XRN2: variants seen among roughly 807,000 people sequenced by gnomAD.
The protein encoded by XRN2 is 5'-3' exoribonuclease 2.
XRN2 carries 44 observed loss-of-function variants against 138.5 expected under a neutral mutation model. That is an observed-to-expected ratio of 0.32 (90% CI 0.25 to 0.41). XRN2 has a LOEUF of 0.41. Ranked by LOEUF, XRN2 falls within the 10% of genes least tolerant of loss-of-function variation. The pLI is 1.00. For missense variants in XRN2, 937 were observed against 1,169.3 expected, an observed-to-expected ratio of 0.80 and a Z score of 2.90; for synonymous variants, 354 against 369.4, an observed-to-expected ratio of 0.96 and a Z score of 0.48.
intron 24 of XRN2, among the ~76,000 whole-genome samples, chr20:21,360,171 G>A (rs1255533266): frequency 6.6e-6 from 1 of 152,062 alleles, no homozygotes; most frequent in Non-Finnish European, 1.5e-5. Flanking sequence ...CTGTCATCTG[G>A]AGGGTAAGTG....
chr20:21,305,025 T>G (rs1246942715), intron 1 of XRN2, among the ~76,000 whole-genome samples: 1 of 152,214 alleles, frequency 6.6e-6, no homozygotes, highest in African/African-American at 2.4e-5. Context: ...GGGGCTGTCT[T>G]TCTTTTTCCA....
chr20:21,349,534 A>C (rs1169767023), intron 20 of XRN2, 73 bp downstream of exon 20: 1 of 1,238,076 alleles, frequency 8.1e-7, no homozygotes, highest in Non-Finnish European at 1.2e-6. Flanking sequence ...ATTCTGTAAA[A>C]GATAAATATT....
chr20:21,332,550 G>A (rs1339769049), intron 9 of XRN2, 110 bp downstream of exon 9: 4 of 1,096,440 alleles, frequency 3.6e-6, no homozygotes, highest in Non-Finnish European at 4.9e-6. Flanking sequence ...CAATTAAATA[G>A]CATTAAATAT....
Position 21,328,683 on chromosome 20 carries a change from C to A in XRN2, c.427+13C>A. On this transcript the variant is annotated intron_variant, in intron 4 of 29. Transcript: ENST00000377191. ...ATATTGGCAAAAGGTAAAGAATATG[C>A]ATCTTGAAGTTGGATTTTTTCATAA... 2 of 1,609,002 alleles carry A rather than the reference C, an allele frequency of 1.2e-6. No individual in the cohort carries two copies. The highest frequency in any genetic ancestry group is 1.7e-6 in the Non-Finnish European group (2 of 1,177,182).
intron 1 of XRN2, among the ~76,000 whole-genome samples, chr20:21,318,559 A>C (rs1305550152): frequency 6.6e-6 from 1 of 152,080 alleles, no homozygotes; most frequent in Non-Finnish European, 1.5e-5. Context: ...ATACTTCTGA[A>C]GAGATATTTC....
At chr20:21,336,447 G>C (rs1394007959) in intron 13 of XRN2, among the ~76,000 whole-genome samples, 4 of 152,174 alleles carry the variant, frequency 2.6e-5, no homozygotes, top group Non-Finnish European at 4.4e-5. Flanking sequence ...GGGCGACAGA[G>C]CAAGTCTCTT....
intron 27 of XRN2, among the ~76,000 whole-genome samples, chr20:21,379,107 GT>G (rs1441336486): frequency 1.3e-5 from 2 of 152,152 alleles, no homozygotes; most frequent in African/African-American, 4.8e-5. Context: ...CGCTGATTAG[GT>G]AAATTGTCAC....
rs1400878191 is a variant in XRN2 at position 21,326,299 on chromosome 20, A to G, written c.96A>G (p.Val32=). 1.2e-6 allele frequency: 2 copies of G among 1,613,680 alleles called. No individual in the cohort carries two copies. The highest frequency in any genetic ancestry group is 1.7e-6 in the Non-Finnish European group (2 of 1,179,852). The change falls in exon 2 of 30, where the codon GTA becomes GTG. Residue 32 remains valine, a synonymous_variant. Transcript: ENST00000377191. ...CATAGCCAAAAGAATGCAATGGTGT[A>G]AAGATTCCAGTTGATGCCAGTAAAC... ...VEEKPKECNG[V]KIPVDASKPN...
rs2038967187 is a variant in XRN2 at position 21,389,484 on chromosome 20, TCTCA to T, written c.*149_*152del. ...ACTGTGTATATTTCTACTGATCTGA[TCTCA>T]CTGTTTATGTTGCTTTCCAAAGATG... On this transcript the variant is annotated 3_prime_UTR_variant, in exon 30 of 30. Transcript: ENST00000377191. 8.9e-6 allele frequency: 6 copies of T among 677,518 alleles called. No homozygotes were observed. Among genetic ancestry groups the T allele is most frequent in the East Asian group, 8.7e-5 (3 of 34,310 alleles). 42.0% of individuals were successfully genotyped at this position (677,518 alleles called of 1,614,324 possible).
chr20:21,312,296 A>T (rs1028848548), intron 1 of XRN2, among the ~76,000 whole-genome samples: 6 of 149,958 alleles, frequency 4.0e-5, no homozygotes, highest in African/African-American at 9.8e-5. Context: ...GTATTTATTT[A>T]TTTTTTTTTA....
intron 27 of XRN2, among the ~76,000 whole-genome samples, chr20:21,378,049 A>G (rs531451953): frequency 1.4e-4 from 22 of 152,278 alleles, no homozygotes; most frequent in African/African-American, 5.3e-4. Context: ...CCTTCTCTTT[A>G]CATTTTAAGT....
rs2038682135 is a variant in XRN2, at chr20:21,365,445, T to A, written c.2280T>A (p.Phe760Leu). Residue 760 changes from phenylalanine (F) to leucine (L), a missense_variant, in exon 25 of 30, where the codon TTT (phenylalanine) becomes TTA (leucine). By Grantham distance (22) the Phe-to-Leu change is conservative. Coordinates refer to ENST00000377191, the MANE Select transcript of XRN2 (RefSeq NM_012255.5). ...VVSINFKDPQ[F>L]AEDYIFKAVM... ...GTATTAATTTTAAAGACCCACAGTT[T>A]GCTGAAGATTACATTTTTAAAGCTG... The A allele has an allele frequency of 1.2e-6, 2 of 1,613,586 alleles. No individual in the cohort carries two copies. The highest frequency in any genetic ancestry group is 1.7e-6 in the Non-Finnish European group (2 of 1,179,954).
intron 28 of XRN2, among the ~76,000 whole-genome samples, chr20:21,382,301 G>A (rs908800837): frequency 5.9e-5 from 9 of 152,074 alleles, no homozygotes; most frequent in African/African-American, 1.4e-4. Context: ...CTTTTGAGAT[G>A]CCCTGAAAAA....
chr20:21,383,782 T>C (rs2122366560), intron 28 of XRN2, among the ~76,000 whole-genome samples: 1 of 152,358 alleles, frequency 6.6e-6, no homozygotes, highest in East Asian at 1.9e-4. Context: ...CAAGTACTAG[T>C]ATTATTCTGA....
chr20:21,333,381 A>G (rs2038241716), intron 9 of XRN2, among the ~76,000 whole-genome samples, 163 bp from the exon 10 acceptor site: 2 of 152,178 alleles, frequency 1.3e-5, no homozygotes. Flanking sequence ...GGTTGATTTT[A>G]TGGGTAATTT....
At chr20:21,329,856 GGTGTGTGTGTGTGTGT>G (rs60020864) in intron 4 of XRN2, among the ~76,000 whole-genome samples, 36 of 146,008 alleles carry the variant, frequency 2.5e-4, no homozygotes, top group East Asian at 1.2e-3. Flanking sequence ...GCCTCTAACT[GGTGTGTGTGTGTGTGT>G]GTGTGTGTGT....
Position 21,349,401 on chromosome 20 carries a change from A to G in XRN2, c.1876A>G (p.Ile626Val). 3.1e-6 allele frequency: 5 copies of G among 1,599,768 alleles called. No homozygotes were observed. The highest frequency in any genetic ancestry group is 3.4e-6 in the Non-Finnish European group (4 of 1,167,674). ...KLMSDPDSSI[I>V]DFYPEDFAID... ...CTCCCTAATATAGGATTCTAGTATA[A>G]TTGACTTCTATCCTGAAGATTTTGC... The change falls in exon 20 of 30, where the codon ATT becomes GTT. Residue 626 changes from isoleucine to valine, a missense_variant. Coordinates refer to ENST00000377191, the MANE Select transcript of XRN2 (RefSeq NM_012255.5).
intron 1 of XRN2, among the ~76,000 whole-genome samples, chr20:21,322,604 G>A (rs1251850954): frequency 1.3e-5 from 2 of 152,170 alleles, no homozygotes; most frequent in African/African-American, 4.8e-5. Flanking sequence ...GCTATTGGTG[G>A]TGGTTTCTCC....
rs147341722 is a variant in XRN2 at position 21,321,254 on chromosome 20, C to T, written c.76-5025C>T. On this transcript the variant is annotated intron_variant, in intron 1 of 29. Coordinates refer to ENST00000377191, the MANE Select transcript of XRN2 (RefSeq NM_012255.5). ...ACTCCTGGGCTCAAGTGCTCTGTCTCGGTGTCCCGAATTGCTCTGATTATA... is the reference window on the plus strand; with the variant it reads ...ACTCCTGGGCTCAAGTGCTCTGTCTTGGTGTCCCGAATTGCTCTGATTATA... Among the ~76,000 whole-genome samples, 22 of 151,234 alleles carry T rather than the reference C, an allele frequency of 1.5e-4. 1 individual carries two copies. In the East Asian group the frequency reaches 1.6e-3, roughly 11 times the overall value.
Sources: allele counts gnomAD v4.1 joint callset (sites outside exome capture counted in the v4.1 genomes callset), GRCh38; gene constraint gnomAD v4.1.1; transcripts MANE v1.5; gene names NCBI Gene and HGNC (gene_info 2026-07-23, HGNC 2026-07-21).